TSNARE1: variants seen among roughly 807,000 people sequenced by gnomAD.
TSNARE1 encodes the protein t-SNARE domain-containing protein 1.
In TSNARE1, 49 loss-of-function variants were observed where a neutral mutation model predicts 62.0. The observed-to-expected ratio is 0.79, with a 90% CI of 0.63 to 1.00. The LOEUF is 1.00. TSNARE1 is among the 50% of genes least tolerant of loss of function. The pLI is 0.00. For missense variants in TSNARE1, 755 were observed against 700.1 expected (o/e 1.08, Z -0.88); for synonymous variants, 328 against 294.4 (o/e 1.11, Z -1.17).
At chr8:142,253,857 G>A (rs547337192) in intron 12 of TSNARE1, among the ~76,000 whole-genome samples, 8 of 152,306 alleles carry the variant, frequency 5.3e-5, no homozygotes, top group East Asian at 3.9e-4. Flanking sequence ...TCCCGAGCCC[G>A]GAACAGGACA....
intron 13 of TSNARE1, among the ~76,000 whole-genome samples, chr8:142,218,704 A>C (rs1239278294): frequency 1.3e-5 from 2 of 152,176 alleles, no homozygotes; most frequent in East Asian, 3.9e-4. Flanking sequence ...CCCTGTGAGA[A>C]GCTGGGCATG....
At chr8:142,246,741 C>T (rs1817901137) in intron 12 of TSNARE1, among the ~76,000 whole-genome samples, 1 of 152,194 alleles carries the variant, frequency 6.6e-6, no homozygotes, top group African/African-American at 2.4e-5. Context: ...GAGAACCGTT[C>T]AAGGCCGCAG....
intron 12 of TSNARE1, among the ~76,000 whole-genome samples, chr8:142,256,944 C>T (rs1036500523): frequency 6.6e-5 from 10 of 152,176 alleles, no homozygotes; most frequent in Admixed American, 2.0e-4. Context: ...TTGCTCTGAG[C>T]CACAGGTATT....
intron 10 of TSNARE1, among the ~76,000 whole-genome samples, chr8:142,292,588 T>A (rs2131106621): frequency 6.6e-6 from 1 of 152,210 alleles, no homozygotes. Flanking sequence ...CAGGAGGCTG[T>A]CGATGAGCTC....
At chr8:142,231,503 C>T (rs926870662) in intron 12 of TSNARE1, among the ~76,000 whole-genome samples, 1 of 152,178 alleles carries the variant, frequency 6.6e-6, no homozygotes, top group Non-Finnish European at 1.5e-5. Flanking sequence ...AGTCAACCCT[C>T]CTGGCAGGGA....
intron 12 of TSNARE1, chr8:142,270,479 G>T: frequency 1.1e-5 from 9 of 855,048 alleles, no homozygotes; most frequent in Non-Finnish European, 1.2e-5. Context: ...GTAATATATA[G>T]GCATATATAT....
chr8:142,372,340 G>T (rs1835971726), intron 1 of TSNARE1, among the ~76,000 whole-genome samples: 1 of 152,212 alleles, frequency 6.6e-6, no homozygotes, highest in Non-Finnish European at 1.5e-5. Flanking sequence ...CTGAAAGAAT[G>T]AGAGAAAACC....
chr8:142,346,052 T>C (rs1833330697), intron 2 of TSNARE1, among the ~76,000 whole-genome samples, 160 bp from the exon 3 acceptor site: 1 of 152,208 alleles, frequency 6.6e-6, no homozygotes, highest in Non-Finnish European at 1.5e-5. Flanking sequence ...CTCTGGATCA[T>C]CCCCCTTCTG....
intron 1 of TSNARE1, among the ~76,000 whole-genome samples, chr8:142,387,623 C>G (rs947347386): frequency 6.6e-6 from 1 of 151,800 alleles, no homozygotes. Context: ...TTACTCAAGC[C>G]TACATGAATA....
chr8:142,312,808 G>C (rs968037200), intron 9 of TSNARE1, among the ~76,000 whole-genome samples: 2 of 152,174 alleles, frequency 1.3e-5, no homozygotes, highest in African/African-American at 4.8e-5. Flanking sequence ...AGCCCAGTAA[G>C]ACCACTAAAG....
rs371390776 is a variant in TSNARE1 at position 142,344,348 on chromosome 8, G to A, written c.363C>T (p.Ala121=). The change falls in exon 4 of 14, where the codon GCC becomes GCT. Residue 121 remains alanine, a synonymous_variant. Coordinates refer to ENST00000524325, the MANE Select transcript of TSNARE1 (RefSeq NM_145003.5). ...GRMAGPSTTR[A]KKRKPNFCPQ... The stretch of plus-strand genomic sequence containing the variant: ...GGCAGAAGTTGGGCTTCCTCTTCTT[G>A]GCCCGGGTAGTGCTGGGCCCCGCCA... 46 of 1,577,246 alleles carry A rather than the reference G, an allele frequency of 2.9e-5. No individual in the cohort carries two copies. In the African/African-American group the frequency reaches 3.7e-4, roughly 13 times the overall value.
intron 1 of TSNARE1, among the ~76,000 whole-genome samples, chr8:142,372,712 A>G (rs1446753155): frequency 6.6e-6 from 1 of 151,998 alleles, no homozygotes; most frequent in Non-Finnish European, 1.5e-5. Flanking sequence ...GAACATCCCC[A>G]AGGGCCTCCT....
intron 1 of TSNARE1, among the ~76,000 whole-genome samples, chr8:142,356,221 T>C (rs900690834): frequency 2.0e-5 from 3 of 152,210 alleles, no homozygotes; most frequent in African/African-American, 7.2e-5. Context: ...GGCCTTGTTC[T>C]GCCCAGGGCG....
chr8:142,260,910 C>T (rs2130390908), intron 12 of TSNARE1, among the ~76,000 whole-genome samples: 1 of 83,370 alleles, frequency 1.2e-5, no homozygotes, highest in South Asian at 4.5e-4. Context: ...CTGATAAGCA[C>T]ATATCTGAGA....
intron 12 of TSNARE1, among the ~76,000 whole-genome samples, chr8:142,248,129 TC>T (rs1777411608): frequency 6.6e-6 from 1 of 152,112 alleles, no homozygotes; most frequent in Admixed American, 6.5e-5. Flanking sequence ...CGCAGCATCC[TC>T]CACCTCGCCC....
intron 2 of TSNARE1, among the ~76,000 whole-genome samples, chr8:142,349,554 G>T (rs565754656): frequency 6.6e-6 from 1 of 152,286 alleles, no homozygotes; most frequent in Non-Finnish European, 1.5e-5. Context: ...ACGCACAGAA[G>T]GGGGAAGCCA....
chr8:142,243,868 A>T (rs1263192710), intron 12 of TSNARE1, among the ~76,000 whole-genome samples: 1 of 152,206 alleles, frequency 6.6e-6, no homozygotes, highest in African/African-American at 2.4e-5. Flanking sequence ...AAATATATGC[A>T]ATTTGGCATT....
chr8:142,378,320 G>C (rs139728583), intron 1 of TSNARE1, among the ~76,000 whole-genome samples: 7 of 152,314 alleles, frequency 4.6e-5, no homozygotes, highest in African/African-American at 1.7e-4. Context: ...GAAAATTCTA[G>C]AACAGGCAAA....
chr8:142,276,654 C>T (rs1435246392), intron 11 of TSNARE1: 3 of 985,216 alleles, frequency 3.0e-6, no homozygotes, highest in Non-Finnish European at 3.6e-6. Flanking sequence ...CTCAGCCAAG[C>T]CCTGGACCCC....
Sources: gnomAD v4.1 joint callset for allele counts (sites outside exome capture counted in the v4.1 genomes callset) on GRCh38, gnomAD v4.1.1 for gene constraint, MANE v1.5 for transcripts, NCBI Gene and HGNC (gene_info 2026-07-23, HGNC 2026-07-21) for gene names.